PPP2R1A: variants seen among roughly 807,000 people sequenced by gnomAD.
PPP2R1A encodes protein phosphatase 2 scaffold subunit Aalpha.
Under a neutral mutation model 67.1 loss-of-function variants are expected in PPP2R1A, and 15 were observed. The observed-to-expected ratio is 0.22, with a 90% CI of 0.15 to 0.34. The LOEUF is 0.34. Ranked by LOEUF, PPP2R1A falls within the 10% of genes least tolerant of loss-of-function variation. PPP2R1A has a pLI of 1.00. For missense variants in PPP2R1A, 369 were observed against 775.0 expected, an observed-to-expected ratio of 0.48 and a Z score of 6.22; for synonymous variants, 337 against 325.0, an observed-to-expected ratio of 1.04 and a Z score of -0.40.
At chr19:52,201,877 G>A in intron 1 of PPP2R1A, 67 bp from the exon 2 acceptor site, 1 of 1,447,068 alleles carries the variant, frequency 6.9e-7, no homozygotes, top group Non-Finnish European at 9.7e-7. Context: ...TGGGTTGAGA[G>A]CTGTCAGAAC....
At chr19:52,209,316 C>G (rs192296121) in intron 3 of PPP2R1A, among the ~76,000 whole-genome samples, 205 of 152,252 alleles carry the variant, frequency 1.3e-3, no homozygotes, top group African/African-American at 4.5e-3. Context: ...GGAACTCTGT[C>G]CCTGCAGTAT....
rs1184453652 is a variant in PPP2R1A at position 52,228,441 on chromosome 19, C to CT, written c.*2461dup. On this transcript the variant is annotated 3_prime_UTR_variant, in exon 15 of 15. Transcript: ENST00000322088. ...GAGGGAGTGCTCTCAGGAGAACGGA[C>CT]TGAGGTAACTCACCTTCTGTGAGCT... 2 of 152,220 alleles carry CT rather than the reference C, an allele frequency of 1.3e-5. No homozygotes were observed. The highest frequency in any genetic ancestry group is 6.5e-5 in the Admixed American group (1 of 15,276). The allele number at this position is 152,220 out of a possible 1,614,324, so 9.4% of individuals were successfully genotyped here.
chr19:52,211,808 A>C lies in PPP2R1A; in HGVS notation c.503+316A>C. On this transcript the variant is annotated intron_variant, in intron 4 of 14. Transcript: ENST00000322088. The surrounding 1 kb of genome is among the most constrained non-coding windows in gnomAD (Gnocchi z 5.3). ...TTAGAGCAAAATCTGGAACATAAAA[A>C]CTTTCAGCAACTTACATCTGATGGT... The C allele has an allele frequency of 2.8e-6, 1 of 354,248 alleles. No homozygotes were observed. The highest frequency in any genetic ancestry group is 2.1e-5 in the African/African-American group (1 of 47,568). 21.9% of individuals were successfully genotyped at this position (354,248 alleles called of 1,614,324 possible). A position where few individuals can be genotyped will look rare whatever the true frequency, so the allele number is the denominator to read the frequency against.
chr19:52,200,006 T>C (rs16983549), intron 1 of PPP2R1A, among the ~76,000 whole-genome samples: 21,088 of 152,258 alleles, frequency 0.14, 1,485 homozygotes, highest in Non-Finnish European at 0.15. Context: ...GCTCATCGTC[T>C]GTGATCGCAG....
intron 1 of PPP2R1A, among the ~76,000 whole-genome samples, chr19:52,193,831 C>T (rs1372237643): frequency 6.6e-6 from 1 of 151,746 alleles, no homozygotes; most frequent in African/African-American, 2.4e-5. Flanking sequence ...GCTGGGATTA[C>T]AGGCATGAGC....
Position 52,215,837 on chromosome 19 carries a change from A to T in PPP2R1A, c.866A>T (p.Asn289Ile). 2 of 1,613,972 alleles carry T rather than the reference A, an allele frequency of 1.2e-6. No homozygotes were observed. Among genetic ancestry groups the T allele is most frequent in the Non-Finnish European group, 1.7e-6 (2 of 1,179,920 alleles). Reference protein sequence around the residue: ...TKTDLVPAFQNLMKDCEAEVR... With the variant: ...TKTDLVPAFQILMKDCEAEVR... ...ACAGACCTGGTCCCTGCCTTCCAGA[A>T]CCTGATGAAAGACTGTGAGGCCGAG... The change falls in exon 7 of 15, where the codon AAC (asparagine) becomes ATC (isoleucine). Residue 289 changes from asparagine (N) to isoleucine (I), a missense_variant. By Grantham distance (149) the Asn-to-Ile change is moderately radical. Around this residue, in one of 2 missense-constraint regions of PPP2R1A, gnomAD observed 276 missense variants for 508.4 expected, o/e 0.54. Transcript: ENST00000322088.
At chr19:52,217,313 C>G (rs1041114324) in intron 9 of PPP2R1A, among the ~76,000 whole-genome samples, 1 of 152,248 alleles carries the variant, frequency 6.6e-6, no homozygotes, top group East Asian at 1.9e-4. Context: ...ATCCTCCCAC[C>G]TTAGCCTCCC....
Position 52,220,269 on chromosome 19 carries a change from C to T in PPP2R1A, c.1363+20C>T, listed in dbSNP as rs1362036413. The T allele has an allele frequency of 2.5e-6, 4 of 1,611,968 alleles. No homozygotes were observed. Among genetic ancestry groups the T allele is most frequent in the Non-Finnish European group, 3.4e-6 (4 of 1,178,380 alleles). On this transcript the variant is annotated intron_variant, in intron 11 of 14. Coordinates refer to ENST00000322088, the MANE Select transcript of PPP2R1A (RefSeq NM_014225.6). ...ATCATGGTGAGTACCTTCACAGGAG[C>T]AGCAAGAGGAGATGGGAGCTCCAGA...
At position 52,228,314 on chromosome 19, in the gene PPP2R1A, T is replaced by C. The variant is rs769149376; in HGVS notation, c.*2333T>C. On this transcript the variant is annotated 3_prime_UTR_variant, in exon 15 of 15. Transcript: ENST00000322088. ...GAGGGTGAAGGATAGCTTGAGTTAT[T>C]GAACGCTGGCAGAGTCCTGAGTTAA... is the stretch of plus-strand genomic sequence containing the variant. 6.6e-6 allele frequency: 1 copy of C among 152,216 alleles called. No homozygotes were observed. Among genetic ancestry groups the C allele is most frequent in the Non-Finnish European group, 1.5e-5 (1 of 68,054 alleles). 9.4% of individuals were successfully genotyped at this position (152,216 alleles called of 1,614,324 possible).
chr19:52,196,798 G>A (rs368674234), intron 1 of PPP2R1A, among the ~76,000 whole-genome samples: 16 of 152,122 alleles, frequency 1.1e-4, no homozygotes, highest in African/African-American at 3.9e-4. Flanking sequence ...TCTACCCTCC[G>A]TGTCCCCCAG....
chr19:52,203,116 C>T (rs1035821256), intron 2 of PPP2R1A, among the ~76,000 whole-genome samples: 2 of 152,176 alleles, frequency 1.3e-5, no homozygotes, highest in Non-Finnish European at 2.9e-5. Context: ...TTACTTGGAC[C>T]TAGTGATGAT....
chr19:52,197,058 A>G (rs1480147153), intron 1 of PPP2R1A, among the ~76,000 whole-genome samples: 1 of 152,204 alleles, frequency 6.6e-6, no homozygotes, highest in African/African-American at 2.4e-5. Context: ...AGCCCCATGC[A>G]GGAGCTCCTA....
chr19:52,219,611 A>G lies in PPP2R1A; in HGVS notation c.1129-80A>G. ...CCTCGGGAGATGTCCATAAAAGTTG[A>G]TGCAGCTGAGCTCTTTCCATCCTGT... On this transcript the variant is annotated intron_variant, in intron 9 of 14. Transcript: ENST00000322088. This position sits in a 1 kb window ranked among gnomAD's most constrained non-coding sequence, Gnocchi z 4.0. 12 of 1,420,266 alleles carry G rather than the reference A, an allele frequency of 8.4e-6. No homozygotes were observed. The highest frequency in any genetic ancestry group is 1.1e-5 in the Non-Finnish European group (11 of 1,042,654). 88.0% of individuals were successfully genotyped at this position (1,420,266 alleles called of 1,614,324 possible). A position where few individuals can be genotyped will look rare whatever the true frequency, so the allele number is the denominator to read the frequency against.
intron 1 of PPP2R1A, chr19:52,190,383 T>C (rs1480506421): frequency 1.6e-6 from 1 of 626,898 alleles, no homozygotes; most frequent in African/African-American, 1.9e-5. Flanking sequence ...GGGCCAGCGC[T>C]AGCCTCGAGG....
intron 1 of PPP2R1A, among the ~76,000 whole-genome samples, chr19:52,197,711 A>G (rs148373784): frequency 2.6e-3 from 392 of 152,244 alleles, no homozygotes; most frequent in Non-Finnish European, 4.2e-3. Flanking sequence ...GAAAAAACAG[A>G]GCAAATATGA....
chr19:52,194,088 C>CAAAAAA (rs915576804), intron 1 of PPP2R1A, among the ~76,000 whole-genome samples: 41 of 60,500 alleles, frequency 6.8e-4, no homozygotes, highest in Non-Finnish European at 8.5e-4. Context: ...ACCCTGTCTC[C>CAAAAAA]AAAAAAAAAA....
intron 12 of PPP2R1A, 26 bp from the exon 13 acceptor site, chr19:52,222,073 C>T: frequency 1.3e-6 from 2 of 1,582,308 alleles, no homozygotes; most frequent in Non-Finnish European, 1.7e-6. Flanking sequence ...TTTGCATACT[C>T]ACCCCTGCCA....
chr19:52,221,175 G>A, intron 12 of PPP2R1A, 42 bp downstream of exon 12: 1 of 1,611,128 alleles, frequency 6.2e-7, no homozygotes, highest in Non-Finnish European at 8.5e-7. Context: ...CTAGGGAACT[G>A]GAGCGCGTGG....
intron 13 of PPP2R1A, among the ~76,000 whole-genome samples, chr19:52,223,646 T>C (rs966362875): frequency 4.6e-5 from 7 of 152,054 alleles, no homozygotes; most frequent in African/African-American, 1.7e-4. Context: ...AAAATGCAAA[T>C]TAAATCTCAG....
Sources: gnomAD v4.1 joint callset for allele counts (sites outside exome capture counted in the v4.1 genomes callset) on GRCh38, gnomAD v4.1.1 for gene constraint, gnomAD v4.1.1 regional missense constraint, Gnocchi (gnomAD v3.1) non-coding constraint, MANE v1.5 for transcripts, NCBI Gene and HGNC (gene_info 2026-07-23, HGNC 2026-07-21) for gene names.